The following COL27A1 variants were observed in gnomAD, a reference collection of about 807,000 sequenced individuals.
COL27A1 encodes the protein collagen type XXVII alpha 1 chain.
In COL27A1, 106 loss-of-function variants were observed where a neutral mutation model predicts 251.3. That is an observed-to-expected ratio of 0.42 (90% confidence interval 0.36 to 0.50). The LOEUF is 0.50. COL27A1 is among the 20% of genes least tolerant of loss of function. The pLI is 0.00. For synonymous variants in COL27A1, 1,000 were observed against 986.3 expected (o/e 1.01, Z -0.26); for missense variants, 2,325 against 2,522.8 (o/e 0.92, Z 1.68).
At chr9:114,264,736 G>C (rs1001535280) in intron 29 of COL27A1, among the ~76,000 whole-genome samples, 188 bp from the exon 30 acceptor site, 5 of 152,152 alleles carry the variant, frequency 3.3e-5, no homozygotes, top group Non-Finnish European at 7.3e-5. Flanking sequence ...TCTCCACCTG[G>C]AGCAGCTGGT....
intron 14 of COL27A1, among the ~76,000 whole-genome samples, chr9:114,223,936 C>T (rs952245904): frequency 2.3e-4 from 35 of 152,292 alleles, no homozygotes; most frequent in African/African-American, 7.7e-4. Flanking sequence ...TGATATTTTA[C>T]ACCTGGTAGC....
intron 25 of COL27A1, among the ~76,000 whole-genome samples, chr9:114,252,342 A>G (rs1833596097): frequency 6.6e-6 from 1 of 152,182 alleles, no homozygotes; most frequent in African/African-American, 2.4e-5. Context: ...CTTGGAGGGA[A>G]ATTCACTGCG....
At chr9:114,224,954 C>A (rs1052985924) in intron 14 of COL27A1, among the ~76,000 whole-genome samples, 1 of 152,130 alleles carries the variant, frequency 6.6e-6, no homozygotes, top group Non-Finnish European at 1.5e-5. Flanking sequence ...AAAGGTCATT[C>A]TTACCTGTGC....
At position 114,265,029 on chromosome 9, in the gene COL27A1, G is replaced by A. The variant is rs779589715; in HGVS notation, c.3295-37G>A. ...GCCCCCTCCCTGCTCCGTGCTTTGT[G>A]ATCTGAGCCTGTAATGACCCCCACA... On this transcript the variant is annotated intron_variant, in intron 30 of 60. Coordinates refer to ENST00000356083, the MANE Select transcript of COL27A1 (RefSeq NM_032888.4). The A allele has an allele frequency of 9.3e-6, 15 of 1,613,288 alleles. No individual in the cohort carries two copies. The South Asian group carries it at 1.6e-4, about 18-fold the overall frequency.
chr9:114,244,210 C>A (rs190315085), intron 23 of COL27A1, among the ~76,000 whole-genome samples: 2 of 151,994 alleles, frequency 1.3e-5, no homozygotes. Context: ...GTCAAGAGAT[C>A]GAAACTATCC....
At chr9:114,263,481 G>A (rs748680731) in intron 28 of COL27A1, among the ~76,000 whole-genome samples, 4 of 151,952 alleles carry the variant, frequency 2.6e-5, no homozygotes, top group African/African-American at 7.3e-5. Flanking sequence ...TGTTTTCCAC[G>A]GGTTTTTTCC....
At chr9:114,291,752 A>T (rs182012352) in intron 48 of COL27A1, among the ~76,000 whole-genome samples, 12 of 152,286 alleles carry the variant, frequency 7.9e-5, no homozygotes, top group Admixed American at 4.6e-4. Context: ...CTGTCTAAAA[A>T]AATAAAAATA....
chr9:114,310,879 G>T lies in COL27A1; in HGVS notation c.*184G>T. 5 of 565,316 alleles carry T rather than the reference G, an allele frequency of 8.8e-6. No homozygotes were observed. Among genetic ancestry groups the T allele is most frequent in the Non-Finnish European group, 1.5e-5 (5 of 325,364 alleles). 35.0% of individuals were successfully genotyped at this position (565,316 alleles called of 1,614,324 possible). On this transcript the variant is annotated 3_prime_UTR_variant, in exon 61 of 61. Transcript: ENST00000356083. ...GGTAGGAGGGGATAGGGTGTCCTTGGGAACAATGGATCCCAGCTTAGCCCC... is the reference window on the plus strand; with the variant it reads ...GGTAGGAGGGGATAGGGTGTCCTTGTGAACAATGGATCCCAGCTTAGCCCC...
In COL27A1 at chr9:114,307,758, A is replaced by G. The variant is rs148068880; in HGVS notation, c.5197A>G (p.Lys1733Glu). The G allele has an allele frequency of 1.1e-4, 184 of 1,613,726 alleles. 1 individual carries two copies. In the East Asian group the frequency reaches 3.8e-3, roughly 33 times the overall value. Residue 1733 changes from lysine (K) to glutamate (E), a missense_variant, in exon 59 of 61, where the codon AAG (lysine) becomes GAG (glutamate). By Grantham distance (56) the Lys-to-Glu change is moderately conservative. Transcript: ENST00000356083. ...NFTHGGQTCLKPITASKVEFA... is the reference protein window; with the variant it reads ...NFTHGGQTCLEPITASKVEFA... Reference sequence around the variant, plus strand: ...CACTCATGGTGGACAGACGTGTCTCAAGCCCATCACGGCCTCCAAGGTACC... The same window carrying G: ...CACTCATGGTGGACAGACGTGTCTCGAGCCCATCACGGCCTCCAAGGTACC...
At chr9:114,197,451 C>T (rs771934045) in intron 7 of COL27A1, among the ~76,000 whole-genome samples, 1 of 152,212 alleles carries the variant, frequency 6.6e-6, no homozygotes. Flanking sequence ...GAGGGACTTG[C>T]GCTCCCCACT....
chr9:114,269,548 G>C (rs1454649296), intron 35 of COL27A1, among the ~76,000 whole-genome samples: 1 of 146,470 alleles, frequency 6.8e-6, no homozygotes, highest in Non-Finnish European at 1.5e-5. Context: ...CCAGGAGTTG[G>C]AGGTTGTGGT....
intron 40 of COL27A1, 113 bp from the exon 41 acceptor site, chr9:114,284,611 C>A: frequency 9.5e-7 from 1 of 1,057,714 alleles, no homozygotes; most frequent in South Asian, 1.3e-5. Flanking sequence ...ACACAGCCAG[C>A]TGGGGCAGAG....
At position 114,302,006 on chromosome 9, in the gene COL27A1, C is replaced by G. The variant is rs1828681553; in HGVS notation, c.4846-76C>G. The G allele has an allele frequency of 5.0e-6, 7 of 1,400,902 alleles. No homozygotes were observed. In the South Asian group the frequency reaches 7.1e-5, roughly 14 times the overall value. 86.8% of individuals were successfully genotyped at this position (1,400,902 alleles called of 1,614,324 possible). A position where few individuals can be genotyped will look rare whatever the true frequency, so the allele number is the denominator to read the frequency against. Reference sequence around the variant, plus strand: ...AGGTCCTGCATGCTTTGATGGTCTCCCTGGTCTCCTGACACCCTCTCAGAT... The same window carrying G: ...AGGTCCTGCATGCTTTGATGGTCTCGCTGGTCTCCTGACACCCTCTCAGAT... On this transcript the variant is annotated intron_variant, in intron 55 of 60. Transcript: ENST00000356083.
chr9:114,240,420 TC>T lies in COL27A1; in HGVS notation c.2782-11del. The T allele has an allele frequency of 6.2e-7, 1 of 1,613,448 alleles. No homozygotes were observed. On this transcript the variant is annotated splice_polypyrimidine_tract_variant and intron_variant, in intron 20 of 60. Transcript: ENST00000356083. ...ACCGCCTCTGAGACTCCCTTTTTGTTCCCTTCTCCCCAGGGTAAGCCTGGAG... is the reference window on the plus strand; with the variant it reads ...ACCGCCTCTGAGACTCCCTTTTTGTTCCTTCTCCCCAGGGTAAGCCTGGAG...
At chr9:114,206,159 A>C in intron 9 of COL27A1, 93 bp from the exon 10 acceptor site, 1 of 1,223,926 alleles carries the variant, frequency 8.2e-7, no homozygotes, top group African/African-American at 1.5e-5. Flanking sequence ...CAAAGAGAGC[A>C]GCAGAGGCCC....
intron 1 of COL27A1, among the ~76,000 whole-genome samples, chr9:114,162,507 A>G (rs1848567194): frequency 6.6e-6 from 1 of 152,130 alleles, no homozygotes; most frequent in Admixed American, 6.5e-5. Flanking sequence ...CTATATAAGC[A>G]GGTCCTCACT....
At chr9:114,180,611 G>T (rs1233481817) in intron 4 of COL27A1, among the ~76,000 whole-genome samples, 1 of 152,118 alleles carries the variant, frequency 6.6e-6, no homozygotes, top group African/African-American at 2.4e-5. Flanking sequence ...CACAGATGGG[G>T]GCTCTGGGGC....
At position 114,245,155 on chromosome 9, in the gene COL27A1, T is replaced by TTG. The variant is rs1564517209; in HGVS notation, c.2935-710_2935-709insGT. 1.0e-3 allele frequency among the ~76,000 whole-genome samples: 146 copies of TTG among 140,116 alleles called. 7 individuals carry two copies. In the East Asian group the frequency reaches 0.02, roughly 19 times the overall value. 91.9% of individuals were successfully genotyped at this position (140,116 alleles called of 152,430 possible). A position where few individuals can be genotyped will look rare whatever the true frequency, so the allele number is the denominator to read the frequency against. The stretch of plus-strand genomic sequence containing the variant: ...GTGGGAATGTGCATTCTTGTTTTTT[T>TTG]TTTTTTTTTTTTTTTTTTTTTGACA... On this transcript the variant is annotated intron_variant, in intron 23 of 60. Transcript: ENST00000356083.
At chr9:114,175,075 C>G (rs12343445) in intron 3 of COL27A1, among the ~76,000 whole-genome samples, 107,190 of 146,750 alleles carry the variant, frequency 0.73, 38,142 homozygotes, top group East Asian at 0.86. Flanking sequence ...CTGGACACAA[C>G]GGTGGACTTG....
Sources: allele counts gnomAD v4.1 joint callset (sites outside exome capture counted in the v4.1 genomes callset), GRCh38; gene constraint gnomAD v4.1.1; transcripts MANE v1.5; gene names NCBI Gene and HGNC (gene_info 2026-07-23, HGNC 2026-07-21).